Variants in AFG2B observed in about 807,000 individuals in gnomAD.
AFG2B encodes AAA ATPase AFG2B.
chr15:45,418,623 A>G, the AFG2B span: 1 of 1,614,140 alleles, frequency 6.2e-7, no homozygotes, highest in Non-Finnish European at 8.5e-7. Flanking sequence ...CTCCTTAGAA[A>G]ACCTCGCAGC....
chr15:45,406,944 G>A, the AFG2B span: 20 of 1,109,878 alleles, frequency 1.8e-5, no homozygotes, highest in Non-Finnish European at 2.4e-5. Flanking sequence ...GTAAAGATGT[G>A]AGAATAGATG....
chr15:45,407,129 T>C, the AFG2B span: 2 of 1,288,794 alleles, frequency 1.6e-6, no homozygotes, highest in Admixed American at 2.3e-5. Flanking sequence ...CCTGCTCAGG[T>C]GTAGTTACCA....
chr15:45,406,943 T>G, the AFG2B span: 1 of 1,100,190 alleles, frequency 9.1e-7, no homozygotes, highest in Non-Finnish European at 1.2e-6. Flanking sequence ...TGTAAAGATG[T>G]GAGAATAGAT....
chr15:45,402,584 C>G, the AFG2B span: 1 of 1,570,030 alleles, frequency 6.4e-7, no homozygotes. Context: ...ATCTCGCTAC[C>G]CGACGGCGGC....
At chr15:45,413,368 A>C in the AFG2B span, among the ~76,000 whole-genome samples, 1 of 152,080 alleles carries the variant, frequency 6.6e-6, no homozygotes, top group African/African-American at 2.4e-5. Context: ...CTACTGGATA[A>C]CCCCAGGGAT....
the AFG2B span, among the ~76,000 whole-genome samples, chr15:45,411,374 T>C: frequency 6.6e-6 from 1 of 152,158 alleles, no homozygotes; most frequent in Non-Finnish European, 1.5e-5. Flanking sequence ...GAGTATTGTG[T>C]CACAAACACA....
At chr15:45,413,687 A>G in the AFG2B span, among the ~76,000 whole-genome samples, 1 of 151,950 alleles carries the variant, frequency 6.6e-6, no homozygotes, top group Non-Finnish European at 1.5e-5. Context: ...CATTCTCCAT[A>G]CTGCTTCCTC....
At chr15:45,403,641 CTT>C in the AFG2B span, 1 of 1,234,322 alleles carries the variant, frequency 8.1e-7, no homozygotes, top group Non-Finnish European at 1.1e-6. Context: ...AGTTGGGGCT[CTT>C]TGCAATGCAG....
chr15:45,410,631 C>A, the AFG2B span: 1 of 1,104,542 alleles, frequency 9.1e-7, no homozygotes, highest in East Asian at 2.6e-5. Flanking sequence ...TTGCTCCTAT[C>A]ACTAATGTGA....
chr15:45,403,085 C>G, the AFG2B span: 4 of 1,526,890 alleles, frequency 2.6e-6, no homozygotes, highest in Non-Finnish European at 3.5e-6. Flanking sequence ...CTCCGCCTCC[C>G]GCTCCGCTAC....
the AFG2B span, chr15:45,402,460 G>A: frequency 1.2e-6 from 2 of 1,607,812 alleles, no homozygotes; most frequent in East Asian, 4.5e-5. Flanking sequence ...CTTCCCTGAA[G>A]GGCCGCTCTT....
the AFG2B span, chr15:45,405,208 G>A: frequency 9.5e-7 from 1 of 1,056,590 alleles, no homozygotes; most frequent in Non-Finnish European, 1.3e-6. Flanking sequence ...CCTTCCCAGT[G>A]TCTGGTTGCT....
At chr15:45,402,587 A>G in the AFG2B span, 1 of 1,568,100 alleles carries the variant, frequency 6.4e-7, no homozygotes, top group Non-Finnish European at 8.6e-7. Context: ...TCGCTACCCG[A>G]CGGCGGCTCC....
the AFG2B span, among the ~76,000 whole-genome samples, chr15:45,419,542 T>G: frequency 6.6e-6 from 1 of 152,232 alleles, no homozygotes; most frequent in East Asian, 1.9e-4. Context: ...ATACCCTTTT[T>G]CGTAAACTTT....
At chr15:45,402,582 A>G in the AFG2B span, 2 of 1,567,080 alleles carry the variant, frequency 1.3e-6, no homozygotes, top group African/African-American at 1.4e-5. Context: ...AGATCTCGCT[A>G]CCCGACGGCG....
the AFG2B span, chr15:45,416,941 G>C: frequency 1.1e-5 from 2 of 178,166 alleles, no homozygotes; most frequent in Non-Finnish European, 2.4e-5. Context: ...GCCTGTTTAA[G>C]GTGTAAGCCT....
the AFG2B span, among the ~76,000 whole-genome samples, chr15:45,415,205 T>C: frequency 6.6e-6 from 1 of 152,238 alleles, no homozygotes; most frequent in East Asian, 1.9e-4. Flanking sequence ...TTTTAAAAAT[T>C]ATAAATAGTG....
the AFG2B span, among the ~76,000 whole-genome samples, chr15:45,419,070 G>C: frequency 6.6e-6 from 1 of 152,158 alleles, no homozygotes; most frequent in Non-Finnish European, 1.5e-5. Context: ...GTTTGAGGTG[G>C]AGAGAATAAA....
chr15:45,413,640 C>A, the AFG2B span, among the ~76,000 whole-genome samples: 1 of 152,314 alleles, frequency 6.6e-6, no homozygotes, highest in South Asian at 2.1e-4. Context: ...AAACTTGTAG[C>A]TGGTCTCCCT....
Sources: gnomAD v4.1 joint callset for allele counts (sites outside exome capture counted in the v4.1 genomes callset) on GRCh38, gnomAD v4.1.1 for gene constraint, MANE v1.5 for transcripts, NCBI Gene and HGNC (gene_info 2026-07-23, HGNC 2026-07-21) for gene names.